The following KLHL32 variants were observed in gnomAD, a reference collection of about 807,000 sequenced individuals.
KLHL32 encodes the protein kelch like family member 32.
In KLHL32, 35 loss-of-function variants were observed where a neutral mutation model predicts 64.8. That is an observed-to-expected ratio of 0.54 (90% CI 0.41 to 0.72). The LOEUF is 0.72. Ranked by LOEUF, KLHL32 falls within the 30% of genes least tolerant of loss-of-function variation. KLHL32 has a pLI of 0.00. For synonymous variants in KLHL32, 259 were observed against 281.0 expected (o/e 0.92, Z 0.78); for missense variants, 589 against 768.5 (o/e 0.77, Z 2.76).
At chr6:96,900,579 A>T in the KLHL32 span, among the ~76,000 whole-genome samples, 1 of 152,222 alleles carries the variant, frequency 6.6e-6, no homozygotes. Flanking sequence ...CCTGTGCCTG[A>T]CATTGGCCAC....
At position 96,928,442 on chromosome 6, in the gene KLHL32, G is replaced by A. The variant is rs575759806; in HGVS notation, c.-66+3416G>A. Among the ~76,000 whole-genome samples the A allele has an allele frequency of 2.8e-3, 422 of 152,266 alleles. 2 individuals are homozygous for A. The highest frequency in any genetic ancestry group is 6.6e-3 in the Admixed American group (101 of 15,296). On this transcript the variant is annotated intron_variant, in intron 1 of 10. Transcript: ENST00000369261. ...GGAGTGCAGCAGAGGATGCAACTGCGGATGGGTGGGAGGGGATGGAGGAAG... is the reference window on the plus strand; with the variant it reads ...GGAGTGCAGCAGAGGATGCAACTGCAGATGGGTGGGAGGGGATGGAGGAAG...
At chr6:96,982,091 G>A (rs1417430774) in intron 3 of KLHL32, among the ~76,000 whole-genome samples, 1 of 152,040 alleles carries the variant, frequency 6.6e-6, no homozygotes, top group Non-Finnish European at 1.5e-5. Flanking sequence ...TTGAGTTCAG[G>A]TCCTGAATAT....
chr6:97,085,691 A>G (rs907716308), intron 6 of KLHL32, among the ~76,000 whole-genome samples: 2 of 152,248 alleles, frequency 1.3e-5, no homozygotes, highest in Non-Finnish European at 2.9e-5. Flanking sequence ...GTAAAGTGAT[A>G]TATATGCATA....
intron 6 of KLHL32, among the ~76,000 whole-genome samples, chr6:97,092,618 G>A (rs560324156): frequency 6.6e-6 from 1 of 152,168 alleles, no homozygotes; most frequent in South Asian, 2.1e-4. Context: ...ATCCTTTGAG[G>A]GGCCCCTAGC....
At chr6:97,038,227 G>A (rs1040199361) in intron 3 of KLHL32, among the ~76,000 whole-genome samples, 3 of 151,916 alleles carry the variant, frequency 2.0e-5, no homozygotes, top group African/African-American at 2.4e-5. Context: ...TCAACAAAGT[G>A]TAGAGCAAAC....
At chr6:97,029,049 G>A (rs1005922254) in intron 3 of KLHL32, among the ~76,000 whole-genome samples, 6 of 152,226 alleles carry the variant, frequency 3.9e-5, no homozygotes, top group African/African-American at 1.2e-4. Flanking sequence ...AATTTTGTGA[G>A]TTACCCAACT....
At chr6:96,926,656 A>G (rs1769200685) in intron 1 of KLHL32, among the ~76,000 whole-genome samples, 1 of 152,196 alleles carries the variant, frequency 6.6e-6, no homozygotes, top group African/African-American at 2.4e-5. Context: ...GAGCAGGCCT[A>G]GACAAGACAC....
At chr6:97,064,822 G>A (rs921736560) in intron 5 of KLHL32, 96 bp downstream of exon 5, 1 of 991,258 alleles carries the variant, frequency 1.0e-6, no homozygotes, top group African/African-American at 1.6e-5. Flanking sequence ...GACAGGTAAA[G>A]TGGGGGTGGG....
In KLHL32 at chr6:96,942,690, T is replaced by A. The variant is rs866050500; in HGVS notation, c.-66+17664T>A. ...GTGTGTGTGTGTGTGTGTGTGTGTG[T>A]GATTCAGAATATCCCTTCAGGGTCA... is the stretch of plus-strand genomic sequence containing the variant. On this transcript the variant is annotated intron_variant, in intron 1 of 10. Coordinates refer to ENST00000369261, the MANE Select transcript of KLHL32 (RefSeq NM_052904.4). Among the ~76,000 whole-genome samples, 1,204 of 146,200 alleles carry A rather than the reference T, an allele frequency of 8.2e-3. 16 individuals are homozygous for A. The highest frequency in any genetic ancestry group is 0.028 in the African/African-American group (1,107 of 40,232).
chr6:97,132,166 A>T (rs1052803709), intron 9 of KLHL32, among the ~76,000 whole-genome samples: 1 of 152,128 alleles, frequency 6.6e-6, no homozygotes, highest in Non-Finnish European at 1.5e-5. Flanking sequence ...TAGCAAGTTG[A>T]TCAATCTCTT....
chr6:96,898,296 C>T, the KLHL32 span, among the ~76,000 whole-genome samples: 4 of 152,188 alleles, frequency 2.6e-5, no homozygotes, highest in Admixed American at 6.5e-5. Flanking sequence ...AAAGAGTTAG[C>T]CGATAAAAAT....
chr6:96,910,250 A>G, the KLHL32 span, among the ~76,000 whole-genome samples: 1 of 152,086 alleles, frequency 6.6e-6, no homozygotes, highest in South Asian at 2.1e-4. Context: ...ATCCCCAGGG[A>G]AAAAGAACAA....
At chr6:96,970,551 C>G (rs1774999464) in intron 2 of KLHL32, among the ~76,000 whole-genome samples, 1 of 152,184 alleles carries the variant, frequency 6.6e-6, no homozygotes, top group African/African-American at 2.4e-5. Context: ...TGTAACTGCC[C>G]TACTACACTG....
rs142854913 is a variant in KLHL32 at position 97,085,332 on chromosome 6, G to A, written c.618G>A (p.Gln206=). 3.2e-3 allele frequency: 5,121 copies of A among 1,612,560 alleles called. 18 individuals carry two copies. The highest frequency in any genetic ancestry group is 3.9e-3 in the Non-Finnish European group (4,649 of 1,179,988). ...GCCTGACCTCCCTGAGTGAAGAGCA[G>A]ATCTGGCAGGTAAGGGCGCTGTGCA... ...SDRLTSLSEE[Q]IWQLAVRWLE... is the part of the protein sequence containing the mutation. The change falls in exon 6 of 11, where the codon CAG becomes CAA. Residue 206 remains glutamine, a synonymous_variant. Transcript: ENST00000369261.
the KLHL32 span, among the ~76,000 whole-genome samples, chr6:96,901,789 T>C: frequency 6.6e-6 from 1 of 152,186 alleles, no homozygotes; most frequent in Non-Finnish European, 1.5e-5. Context: ...CATGTGTGTA[T>C]GTGTTCTCAT....
intron 3 of KLHL32, among the ~76,000 whole-genome samples, chr6:97,036,741 C>T (rs768987051): frequency 3.3e-5 from 5 of 152,212 alleles, no homozygotes; most frequent in Admixed American, 6.5e-5. Flanking sequence ...CAAGTGACAT[C>T]ACACCCAGGT....
rs12110623 is a variant in KLHL32, at chr6:97,066,039, A to G, written c.411+1313A>G. Among the ~76,000 whole-genome samples the G allele has an allele frequency of 9.1e-3, 1,383 of 152,290 alleles. 22 individuals are homozygous for G. The highest frequency in any genetic ancestry group is 0.03 in the African/African-American group (1,265 of 41,568). ...TCCTCTCAATATTGTTACGTGGTAT[A>G]GGAAAGCTATTTTTAATCCCTTTCT... On this transcript the variant is annotated intron_variant, in intron 5 of 10. Transcript: ENST00000369261.
Position 97,060,523 on chromosome 6 carries a change from T to C in KLHL32, c.313-4105T>C, listed in dbSNP as rs76351889. Among the ~76,000 whole-genome samples, 1,383 of 152,234 alleles carry C rather than the reference T, an allele frequency of 9.1e-3. 22 individuals carry two copies. Among genetic ancestry groups the C allele is most frequent in the African/African-American group, 0.03 (1,266 of 41,530 alleles). Reference sequence around the variant, plus strand: ...ACTGAGGTGGCCCACGTCATCATGCTCTATACAGAATCTCACCTCAGGTCC... The same window carrying C: ...ACTGAGGTGGCCCACGTCATCATGCCCTATACAGAATCTCACCTCAGGTCC... On this transcript the variant is annotated intron_variant, in intron 4 of 10. Transcript: ENST00000369261.
chr6:97,130,758 A>C lies in KLHL32; in HGVS notation c.1415A>C (p.Asn472Thr), dbSNP rs747648130. 2 of 1,598,778 alleles carry C rather than the reference A, an allele frequency of 1.3e-6. No individual in the cohort carries two copies. Among genetic ancestry groups the C allele is most frequent in the Admixed American group, 3.5e-5 (2 of 56,494 alleles). The change falls in exon 9 of 11, where the codon AAT becomes ACT. Residue 472 changes from asparagine (N) to threonine (T), a missense_variant and splice_region_variant. Physicochemically the swap from Asn to Thr is moderately conservative, Grantham distance 65. Coordinates refer to ENST00000369261, the MANE Select transcript of KLHL32 (RefSeq NM_052904.4). The part of the protein sequence containing the change: ...NRLMVYEPNQ[N>T]KWISRSPMLQ... ...ATACACTTAAATTTCTTTTTTCAGA[A>C]TAAGTGGATAAGCCGTAGCCCCATG...
Sources: gnomAD v4.1 joint callset for allele counts (sites outside exome capture counted in the v4.1 genomes callset) on GRCh38, gnomAD v4.1.1 for gene constraint, MANE v1.5 for transcripts, NCBI Gene and HGNC (gene_info 2026-07-23, HGNC 2026-07-21) for gene names.